Variants in TRPM3 observed in about 807,000 individuals in gnomAD.
TRPM3 encodes the protein long transient receptor potential channel 3.
Under a neutral mutation model 181.2 loss-of-function variants are expected in TRPM3, and 77 were observed. The observed-to-expected ratio is 0.42, with a 90% CI of 0.35 to 0.51. The LOEUF (loss-of-function observed/expected upper bound fraction) is 0.51, where lower values mean the gene tolerates loss of function less well. Ranked by LOEUF, TRPM3 falls within the 20% of genes least tolerant of loss-of-function variation. The pLI, the probability that TRPM3 is intolerant of heterozygous loss-of-function variation, is 0.01. For missense variants in TRPM3, 1,759 were observed against 2,196.7 expected, an observed-to-expected ratio of 0.80 and a Z score of 3.98; for synonymous variants, 745 against 796.4, an observed-to-expected ratio of 0.94 and a Z score of 1.09.
In TRPM3 at chr9:70,868,918, T is replaced by C. The variant is rs1189171151; in HGVS notation, c.178-4407A>G. 3.3e-6 allele frequency: 3 copies of C among 895,618 alleles called. No homozygotes were observed. The African/African-American group carries it at 5.4e-5, about 16-fold the overall frequency. 55.5% of individuals were successfully genotyped at this position (895,618 alleles called of 1,614,324 possible). A position where few individuals can be genotyped will look rare whatever the true frequency, so the allele number is the denominator to read the frequency against. ...CCTCCCTCGGTGTTGATCTTTGGTC[T>C]TCCTCTAGGTCCCCAGATCCAATAT... is the stretch of plus-strand genomic sequence containing the variant. On this transcript the variant is annotated intron_variant, in intron 1 of 25. Coordinates refer to ENST00000677713, the MANE Select transcript of TRPM3 (RefSeq NM_001366145.2).
At chr9:71,145,046 T>A (rs980314506) in intron 1 of TRPM3, among the ~76,000 whole-genome samples, 2 of 149,790 alleles carry the variant, frequency 1.3e-5, no homozygotes, top group Non-Finnish European at 3.0e-5. Context: ...TCCATAAATA[T>A]CTGTTGACTA....
chr9:71,416,885 G>A (rs534627265), intron 1 of TRPM3, among the ~76,000 whole-genome samples: 186 of 152,034 alleles, frequency 1.2e-3, no homozygotes, highest in African/African-American at 4.3e-3. Flanking sequence ...CTCTAAATTA[G>A]ACTGGTCTTT....
At chr9:70,926,562 A>C (rs1388137002) in intron 1 of TRPM3, among the ~76,000 whole-genome samples, 1 of 152,216 alleles carries the variant, frequency 6.6e-6, no homozygotes, top group Non-Finnish European at 1.5e-5. Context: ...CAGAAAAAAA[A>C]CACAACTTTT....
chr9:71,001,785 T>C (rs1048265440), intron 1 of TRPM3, among the ~76,000 whole-genome samples: 8 of 152,246 alleles, frequency 5.3e-5, no homozygotes, highest in Admixed American at 1.3e-4. Context: ...GAGACACATA[T>C]GTCATCTATT....
chr9:71,190,989 C>T (rs574681428), intron 1 of TRPM3, among the ~76,000 whole-genome samples: 13 of 151,982 alleles, frequency 8.6e-5, no homozygotes, highest in African/African-American at 3.1e-4. Flanking sequence ...TGAGCATTTA[C>T]TATATAAACA....
chr9:70,573,772 A>T (rs1011928237), intron 22 of TRPM3, among the ~76,000 whole-genome samples: 2 of 152,116 alleles, frequency 1.3e-5, no homozygotes, highest in African/African-American at 4.8e-5. Context: ...GTTAGAGTTC[A>T]GGTCTAATCA....
At chr9:70,861,283 G>T (rs1272871474) in intron 3 of TRPM3, among the ~76,000 whole-genome samples, 1 of 152,070 alleles carries the variant, frequency 6.6e-6, no homozygotes, top group Admixed American at 6.6e-5. Flanking sequence ...CTCCCCAAAA[G>T]ACAGATGAGT....
intron 1 of TRPM3, among the ~76,000 whole-genome samples, chr9:71,251,995 C>A (rs72733870): frequency 6.6e-6 from 1 of 152,210 alleles, no homozygotes; most frequent in Non-Finnish European, 1.5e-5. Flanking sequence ...TTAATATAAC[C>A]ACTTCCAGTT....
chr9:70,891,058 T>C (rs1485670643), intron 1 of TRPM3, among the ~76,000 whole-genome samples: 1 of 152,040 alleles, frequency 6.6e-6, no homozygotes, highest in East Asian at 1.9e-4. Context: ...CATCAGGAGA[T>C]ATACCTAATG....
At chr9:70,972,219 T>C (rs530876236) in intron 1 of TRPM3, among the ~76,000 whole-genome samples, 1 of 152,314 alleles carries the variant, frequency 6.6e-6, no homozygotes, top group East Asian at 1.9e-4. Flanking sequence ...TACAACGAAA[T>C]ATTATTCAGC....
chr9:71,253,836 TGTA>T (rs1320037489), intron 1 of TRPM3, among the ~76,000 whole-genome samples: 1 of 152,102 alleles, frequency 6.6e-6, no homozygotes, highest in African/African-American at 2.4e-5. Context: ...GTAAAGAAAA[TGTA>T]GTATATGTAC....
chr9:70,554,077 A>G (rs1342769967), intron 22 of TRPM3, among the ~76,000 whole-genome samples: 4 of 150,826 alleles, frequency 2.7e-5, no homozygotes, highest in East Asian at 2.0e-4. Flanking sequence ...GGGGAAAAAA[A>G]AAGCCTGGAG....
intron 1 of TRPM3, among the ~76,000 whole-genome samples, chr9:71,227,108 C>CAAAAAA (rs368727383): frequency 7.5e-5 from 3 of 40,166 alleles, no homozygotes; most frequent in Admixed American, 2.7e-4. Flanking sequence ...TACTTCATCT[C>CAAAAAA]AAAAAAAAAA....
chr9:70,777,097 T>C (rs940395230), intron 7 of TRPM3, among the ~76,000 whole-genome samples: 2 of 152,170 alleles, frequency 1.3e-5, no homozygotes, highest in Non-Finnish European at 2.9e-5. Context: ...CAGAGGAATG[T>C]AATCAATAGA....
chr9:70,796,569 T>C (rs1588474831), intron 6 of TRPM3, among the ~76,000 whole-genome samples: 2 of 152,292 alleles, frequency 1.3e-5, no homozygotes, highest in East Asian at 3.9e-4. Context: ...ATTTTCTTTT[T>C]AAAAGAAGCA....
intron 1 of TRPM3, among the ~76,000 whole-genome samples, chr9:71,000,128 C>T (rs893058139): frequency 1.3e-5 from 2 of 152,110 alleles, no homozygotes; most frequent in East Asian, 1.9e-4. Flanking sequence ...AAACAGGAAG[C>T]GATCTTTCAG....
At chr9:70,902,626 T>C (rs2096402540) in intron 1 of TRPM3, among the ~76,000 whole-genome samples, 1 of 152,142 alleles carries the variant, frequency 6.6e-6, no homozygotes, top group African/African-American at 2.4e-5. Context: ...CCAAAGAAAC[T>C]ACAATGAGCA....
intron 6 of TRPM3, among the ~76,000 whole-genome samples, chr9:70,808,341 G>C (rs2091154265): frequency 6.6e-6 from 1 of 152,210 alleles, no homozygotes; most frequent in South Asian, 2.1e-4. Context: ...CAGCTCTCCT[G>C]TTGGGACCTA....
At chr9:71,295,723 C>T (rs1320611737) in intron 1 of TRPM3, among the ~76,000 whole-genome samples, 6 of 150,784 alleles carry the variant, frequency 4.0e-5, no homozygotes, top group African/African-American at 1.5e-4. Context: ...CTAGTAGTCC[C>T]AGCTACTGGA....
Sources: gnomAD v4.1 joint callset for allele counts (sites outside exome capture counted in the v4.1 genomes callset) on GRCh38, gnomAD v4.1.1 for gene constraint, MANE v1.5 for transcripts, NCBI Gene and HGNC (gene_info 2026-07-23, HGNC 2026-07-21) for gene names.